The following ALCAM variants were observed in gnomAD, a reference collection of about 807,000 sequenced individuals.
The protein encoded by ALCAM is CD166 antigen.
ALCAM carries 30 observed loss-of-function variants against 70.9 expected under a neutral mutation model. That is an observed-to-expected ratio of 0.42 (90% CI 0.32 to 0.57). ALCAM has a LOEUF of 0.57. ALCAM is among the 20% of genes least tolerant of loss of function. ALCAM has a pLI of 0.11. For missense variants in ALCAM, 591 were observed against 695.1 expected, an observed-to-expected ratio of 0.85 and a Z score of 1.68; for synonymous variants, 249 against 242.5, an observed-to-expected ratio of 1.03 and a Z score of -0.25.
intron 2 of ALCAM, among the ~76,000 whole-genome samples, chr3:105,523,433 T>C (rs1348589400): frequency 2.0e-5 from 3 of 152,206 alleles, no homozygotes; most frequent in Admixed American, 1.3e-4. Flanking sequence ...TAAAACTGAA[T>C]CCTCCATAGA....
chr3:105,501,072 T>G (rs1576204876), intron 1 of ALCAM, among the ~76,000 whole-genome samples: 1 of 152,182 alleles, frequency 6.6e-6, no homozygotes, highest in East Asian at 1.9e-4. Flanking sequence ...GCCTGGCATG[T>G]TAGTGGCAAA....
intron 1 of ALCAM, among the ~76,000 whole-genome samples, chr3:105,502,785 G>A (rs997102092): frequency 2.0e-4 from 30 of 152,198 alleles, no homozygotes; most frequent in African/African-American, 6.0e-4. Context: ...CATAGTCTTT[G>A]GCAACTATCT....
chr3:105,388,915 G>A (rs932993846), intron 1 of ALCAM, among the ~76,000 whole-genome samples: 3 of 151,508 alleles, frequency 2.0e-5, no homozygotes, highest in Non-Finnish European at 4.4e-5. Context: ...AAAGAAAAAT[G>A]GAAGAAAGAA....
chr3:105,421,139 C>A (rs1330859685), intron 1 of ALCAM, among the ~76,000 whole-genome samples: 2 of 151,350 alleles, frequency 1.3e-5, no homozygotes, highest in Non-Finnish European at 3.0e-5. Context: ...GTAGTAATAA[C>A]CCTCTCAGGT....
intron 1 of ALCAM, among the ~76,000 whole-genome samples, chr3:105,396,641 G>T (rs1482945431): frequency 1.3e-5 from 2 of 151,972 alleles, no homozygotes; most frequent in Non-Finnish European, 2.9e-5. Flanking sequence ...CTATCTAACA[G>T]TAAAAATATT....
At chr3:105,500,826 C>T (rs1165902767) in intron 1 of ALCAM, among the ~76,000 whole-genome samples, 1 of 152,146 alleles carries the variant, frequency 6.6e-6, no homozygotes, top group Non-Finnish European at 1.5e-5. Flanking sequence ...TAAACATTTC[C>T]TTATAAAAGG....
rs774291073 is a variant in ALCAM at position 105,541,655 on chromosome 3, G to A, written c.881G>A (p.Ser294Asn). 6.2e-7 allele frequency: 1 copy of A among 1,611,828 alleles called. No individual in the cohort carries two copies. Among genetic ancestry groups the A allele is most frequent in the Non-Finnish European group, 8.5e-7 (1 of 1,178,634 alleles). Reference protein sequence around the residue: ...YLPGQPEGIRSSNTYTLTDVR... With the variant: ...YLPGQPEGIRNSNTYTLTDVR... ...AAGGGACAGCCCGAAGGAATAAGAAGCTCAAATACTTACACACTGACGGAT... is the reference window on the plus strand; with the variant it reads ...AAGGGACAGCCCGAAGGAATAAGAAACTCAAATACTTACACACTGACGGAT... The change falls in exon 8 of 16, where the codon AGC becomes AAC. Residue 294 changes from serine (S) to asparagine (N), a missense_variant. Physicochemically the swap from Ser to Asn is conservative, Grantham distance 46. Transcript: ENST00000306107.
intron 1 of ALCAM, among the ~76,000 whole-genome samples, chr3:105,510,844 C>T (rs1384314844): frequency 3.3e-5 from 5 of 151,978 alleles, no homozygotes; most frequent in African/African-American, 1.2e-4. Flanking sequence ...TAACCATTTC[C>T]TAAATTGCAG....
intron 1 of ALCAM, among the ~76,000 whole-genome samples, chr3:105,369,623 G>A (rs1163467836): frequency 5.3e-5 from 8 of 152,228 alleles, no homozygotes; most frequent in Admixed American, 2.0e-4. Context: ...GCATAGCAGA[G>A]CCCGGTGGGG....
chr3:105,428,437 C>G (rs1271372973), intron 1 of ALCAM, among the ~76,000 whole-genome samples: 1 of 151,396 alleles, frequency 6.6e-6, no homozygotes, highest in Non-Finnish European at 1.5e-5. Context: ...TTTTTTCTGG[C>G]CCTGGAAGAG....
chr3:105,448,470 C>T (rs946934186), intron 1 of ALCAM, among the ~76,000 whole-genome samples: 4 of 151,840 alleles, frequency 2.6e-5, no homozygotes, highest in African/African-American at 7.3e-5. Context: ...AACATCTTGC[C>T]TCTATACATG....
At chr3:105,541,997 A>G (rs1343142803) in intron 8 of ALCAM, among the ~76,000 whole-genome samples, 2 of 151,924 alleles carry the variant, frequency 1.3e-5, no homozygotes. Context: ...GTACATCTCC[A>G]TCTTCTTTCT....
At chr3:105,515,357 T>G (rs1365921408) in intron 1 of ALCAM, among the ~76,000 whole-genome samples, 1 of 152,070 alleles carries the variant, frequency 6.6e-6, no homozygotes, top group Non-Finnish European at 1.5e-5. Flanking sequence ...CAAACAAATT[T>G]GATAATAACC....
At chr3:105,368,038 A>T (rs984036740) in intron 1 of ALCAM, among the ~76,000 whole-genome samples, 2 of 151,710 alleles carry the variant, frequency 1.3e-5, no homozygotes, top group African/African-American at 4.8e-5. Flanking sequence ...CGTGGTTTCA[A>T]CGTTACCCCC....
intron 1 of ALCAM, among the ~76,000 whole-genome samples, chr3:105,375,229 C>G (rs1246624539): frequency 6.6e-6 from 1 of 152,196 alleles, no homozygotes; most frequent in African/African-American, 2.4e-5. Context: ...ATACCTAAGA[C>G]TGTCCTGGTT....
At chr3:105,533,203 C>T (rs1939883601) in intron 4 of ALCAM, among the ~76,000 whole-genome samples, 1 of 152,098 alleles carries the variant, frequency 6.6e-6, no homozygotes, top group Non-Finnish European at 1.5e-5. Flanking sequence ...ACTGGAGACA[C>T]AGCCCCATTT....
chr3:105,486,749 C>A (rs1456985125), intron 1 of ALCAM, among the ~76,000 whole-genome samples: 1 of 151,964 alleles, frequency 6.6e-6, no homozygotes, highest in Non-Finnish European at 1.5e-5. Flanking sequence ...TATAGTTAAC[C>A]AATCCAAATA....
At chr3:105,417,081 C>CA (rs550794462) in intron 1 of ALCAM, among the ~76,000 whole-genome samples, 3 of 151,882 alleles carry the variant, frequency 2.0e-5, no homozygotes, top group Admixed American at 6.6e-5. Context: ...CCTTTGTACT[C>CA]AAGCTTTGGC....
chr3:105,496,918 G>C (rs529032351), intron 1 of ALCAM, among the ~76,000 whole-genome samples: 1 of 151,708 alleles, frequency 6.6e-6, no homozygotes, highest in East Asian at 1.9e-4. Flanking sequence ...CAATGAAGAA[G>C]TGTAATAAAA....
Sources: allele counts gnomAD v4.1 joint callset (sites outside exome capture counted in the v4.1 genomes callset), GRCh38; gene constraint gnomAD v4.1.1; transcripts MANE v1.5; gene names NCBI Gene and HGNC (gene_info 2026-07-23, HGNC 2026-07-21).